CCDC144A: variants seen among roughly 807,000 people sequenced by gnomAD.
CCDC144A encodes the protein coiled-coil domain-containing protein 144A.
Under a neutral mutation model 143.8 loss-of-function variants are expected in CCDC144A, and 41 were observed. The ratio of observed to expected loss-of-function variants is 0.29; its 90% CI spans 0.22 to 0.37. The LOEUF (loss-of-function observed/expected upper bound fraction) is 0.37. CCDC144A is among the 10% of genes least tolerant of loss of function. The pLI is 1.00. For missense variants in CCDC144A, 637 were observed against 1,488.8 expected (o/e 0.43, Z 9.41); for synonymous variants, 242 against 517.9 (o/e 0.47, Z 7.23).
At chr17:16,678,580 CT>C in the CCDC144A span, among the ~76,000 whole-genome samples, 5 of 116,800 alleles carry the variant, frequency 4.3e-5, no homozygotes, top group Non-Finnish European at 8.4e-5. Context: ...TTTTCTTTTT[CT>C]TTTCTTTTTT....
At chr17:16,744,788 A>G (rs1264637770) in intron 12 of CCDC144A, among the ~76,000 whole-genome samples, 1 of 152,098 alleles carries the variant, frequency 6.6e-6, no homozygotes, top group Non-Finnish European at 1.5e-5. Context: ...CGCAGTGCCA[A>G]AAATACATTC....
At chr17:16,770,097 A>G (rs1298852937) in intron 15 of CCDC144A, among the ~76,000 whole-genome samples, 1 of 151,782 alleles carries the variant, frequency 6.6e-6, no homozygotes, top group African/African-American at 2.4e-5. Flanking sequence ...AAGTGCTGAG[A>G]TTACAGGCGT....
chr17:16,737,095 C>T (rs1914044514), intron 12 of CCDC144A, among the ~76,000 whole-genome samples: 1 of 146,944 alleles, frequency 6.8e-6, no homozygotes, highest in Non-Finnish European at 1.5e-5. Context: ...AATGTGTGCA[C>T]ATGAGGAAAA....
intron 2 of CCDC144A, among the ~76,000 whole-genome samples, chr17:16,704,601 A>G (rs1640596021): frequency 6.6e-6 from 1 of 151,956 alleles, no homozygotes; most frequent in South Asian, 2.1e-4. Context: ...CTGTTCTCAC[A>G]TGGGAACAGT....
chr17:16,739,968 A>T (rs1412669994), intron 12 of CCDC144A, among the ~76,000 whole-genome samples: 2 of 151,038 alleles, frequency 1.3e-5, no homozygotes, highest in African/African-American at 5.0e-5. Context: ...ACGAAGACAG[A>T]TCCCATTAAT....
chr17:16,675,176 A>G, the CCDC144A span, among the ~76,000 whole-genome samples: 2 of 151,726 alleles, frequency 1.3e-5, no homozygotes, highest in South Asian at 4.2e-4. Context: ...GGCTGAGGCA[A>G]GAGAAGCGCC....
At chr17:16,675,745 A>G in the CCDC144A span, among the ~76,000 whole-genome samples, 1 of 151,908 alleles carries the variant, frequency 6.6e-6, no homozygotes, top group Non-Finnish European at 1.5e-5. Context: ...TTAAGCTTAA[A>G]TTATTATTAT....
the CCDC144A span, among the ~76,000 whole-genome samples, chr17:16,677,063 G>C: frequency 2.0e-5 from 3 of 152,028 alleles, no homozygotes; most frequent in South Asian, 2.1e-4. Context: ...CATGTGGTCC[G>C]AGGTTACAAT....
chr17:16,683,504 G>T, the CCDC144A span: 1 of 1,500,202 alleles, frequency 6.7e-7, no homozygotes, highest in Admixed American at 1.7e-5. Context: ...GCTCTCGCGG[G>T]TTCGGGATGT....
intron 12 of CCDC144A, among the ~76,000 whole-genome samples, chr17:16,743,916 A>G (rs1314107801): frequency 6.6e-6 from 1 of 152,204 alleles, no homozygotes; most frequent in African/African-American, 2.4e-5. Context: ...GCTCCCACTT[A>G]TAAGTGAGAA....
At chr17:16,722,127 TGA>T (rs1379648292) in intron 8 of CCDC144A, among the ~76,000 whole-genome samples, 2 of 152,130 alleles carry the variant, frequency 1.3e-5, no homozygotes, top group Non-Finnish European at 2.9e-5. Context: ...CTTTGGTTAC[TGA>T]GAGGGATTTT....
At chr17:16,676,074 T>G in the CCDC144A span, among the ~76,000 whole-genome samples, 1 of 151,996 alleles carries the variant, frequency 6.6e-6, no homozygotes, top group Non-Finnish European at 1.5e-5. Context: ...AACATGAGTA[T>G]TATGATAAGG....
intron 13 of CCDC144A, among the ~76,000 whole-genome samples, chr17:16,762,112 G>A (rs1463716153): frequency 1.3e-5 from 2 of 152,218 alleles, no homozygotes; most frequent in African/African-American, 4.8e-5. Context: ...TTCAGATTCA[G>A]TTATTAATTC....
At chr17:16,676,687 G>GT in the CCDC144A span, among the ~76,000 whole-genome samples, 10 of 151,224 alleles carry the variant, frequency 6.6e-5, no homozygotes. Context: ...TCTTCTACTT[G>GT]TTTTTTTAAA....
At chr17:16,675,541 A>G in the CCDC144A span, among the ~76,000 whole-genome samples, 1 of 147,432 alleles carries the variant, frequency 6.8e-6, no homozygotes, top group African/African-American at 2.5e-5. Context: ...AAAACAAAAT[A>G]AAAAAAAAAG....
intron 15 of CCDC144A, chr17:16,767,205 G>C (rs574399487): frequency 6.7e-6 from 1 of 149,162 alleles, no homozygotes; most frequent in East Asian, 2.0e-4. Flanking sequence ...TGAGGCAGGA[G>C]AATCGCTTGA....
In CCDC144A at chr17:16,709,472, A is replaced by C. The variant is rs935860047; in HGVS notation, c.1415A>C (p.Lys472Thr). The C allele has an allele frequency of 6.2e-7, 1 of 1,611,468 alleles. No individual in the cohort carries two copies. Among genetic ancestry groups the C allele is most frequent in the Non-Finnish European group, 8.5e-7 (1 of 1,179,626 alleles). The change falls in exon 5 of 17, where the codon AAA becomes ACA. Residue 472 changes from lysine (K) to threonine (T), a missense_variant. Coordinates refer to ENST00000399273, the MANE Select transcript of CCDC144A (RefSeq NM_001382000.1). ...AACAACTATAAAAGCCTGAAACCTA[A>C]ATTAGAAAATCTGAGTTCTTTACCA... ...STNNYKSLKP[K>T]LENLSSLPPD...
intron 15 of CCDC144A, chr17:16,764,504 G>A (rs1262591885): frequency 5.4e-6 from 2 of 368,264 alleles, no homozygotes; most frequent in Non-Finnish European, 9.4e-6. Context: ...TTTGTCTGGG[G>A]TTCACTTTTA....
chr17:16,685,937 ATTTTTTTT>A (rs35158544), upstream of CCDC144A, among the ~76,000 whole-genome samples: 2 of 124,168 alleles, frequency 1.6e-5, no homozygotes, highest in African/African-American at 3.0e-5. Flanking sequence ...ACATCTGGCT[ATTTTTTTT>A]TTTTTTTTGT....
Sources: allele counts gnomAD v4.1 joint callset (sites outside exome capture counted in the v4.1 genomes callset), GRCh38; gene constraint gnomAD v4.1.1; transcripts MANE v1.5; gene names NCBI Gene and HGNC (gene_info 2026-07-23, HGNC 2026-07-21).